Variants in SLK observed in about 807,000 individuals in gnomAD.
SLK encodes STE20 like kinase.
A neutral mutation model predicts 147.7 loss-of-function variants in SLK; 67 were observed. That is an observed-to-expected ratio of 0.45 (90% CI 0.37 to 0.56). SLK has a LOEUF of 0.56. Ranked by LOEUF, SLK falls within the 20% of genes least tolerant of loss-of-function variation. The pLI is 0.00. For synonymous variants in SLK, 441 were observed against 475.0 expected (o/e 0.93, Z 0.93); for missense variants, 1,136 against 1,438.8 (o/e 0.79, Z 3.41).
chr10:104,006,304 T>G (rs919085984), intron 11 of SLK, among the ~76,000 whole-genome samples: 2 of 152,212 alleles, frequency 1.3e-5, no homozygotes, highest in Non-Finnish European at 2.9e-5. Flanking sequence ...TCATGAAAAC[T>G]TATGAAGCCA....
chr10:103,975,889 A>G (rs993756920), intron 1 of SLK, among the ~76,000 whole-genome samples: 4 of 152,122 alleles, frequency 2.6e-5, no homozygotes, highest in African/African-American at 9.7e-5. Flanking sequence ...AGCCTGGGCA[A>G]CATAGGGAGA....
In SLK at chr10:104,026,055, C is replaced by G. The variant is rs1023898069; in HGVS notation, c.*335C>G. ...TTATTTAAGAAAAACTGTTACATCA[C>G]TAAGTATTAATAAATTCTTCTTACC... On this transcript the variant is annotated 3_prime_UTR_variant, in exon 19 of 19. Transcript: ENST00000369755. The G allele has an allele frequency of 5.5e-6, 1 of 182,496 alleles. No homozygotes were observed. Among genetic ancestry groups the G allele is most frequent in the African/African-American group, 2.3e-5 (1 of 42,648 alleles). 11.3% of individuals were successfully genotyped at this position (182,496 alleles called of 1,614,324 possible). A position where few individuals can be genotyped will look rare whatever the true frequency, so the allele number is the denominator to read the frequency against.
At chr10:103,975,014 C>T (rs936018634) in intron 1 of SLK, among the ~76,000 whole-genome samples, 11 of 151,414 alleles carry the variant, frequency 7.3e-5, no homozygotes, top group African/African-American at 2.7e-4. Context: ...TTCCTTCCAC[C>T]TCTGTGTCTG....
At chr10:104,024,579 C>A (rs1844574296) in intron 18 of SLK, among the ~76,000 whole-genome samples, 1 of 152,178 alleles carries the variant, frequency 6.6e-6, no homozygotes, top group Admixed American at 6.5e-5. Flanking sequence ...TCTGGCATGC[C>A]TTCCCTATGC....
Position 104,025,944 on chromosome 10 carries a change from A to G in SLK, c.*224A>G, listed in dbSNP as rs1844593043. On this transcript the variant is annotated 3_prime_UTR_variant, in exon 19 of 19. Coordinates refer to ENST00000369755, the MANE Select transcript of SLK (RefSeq NM_014720.4). ...ATGTTGGCAAAGTAGCATCTTGGTGACTAAGGTGACTTTGTATATTCATCT... is the reference window on the plus strand; with the variant it reads ...ATGTTGGCAAAGTAGCATCTTGGTGGCTAAGGTGACTTTGTATATTCATCT... 5 of 413,308 alleles carry G rather than the reference A, an allele frequency of 1.2e-5. No homozygotes were observed. The Admixed American group carries it at 1.2e-4, about 10-fold the overall frequency. 25.6% of individuals were successfully genotyped at this position (413,308 alleles called of 1,614,324 possible).
At chr10:104,008,114 TTACTA>T in intron 11 of SLK, 58 bp from the exon 12 acceptor site, 1 of 1,251,342 alleles carries the variant, frequency 8.0e-7, no homozygotes. Flanking sequence ...GGAAACATCT[TTACTA>T]TAAGGTATTA....
chr10:103,977,084 T>G (rs1048516629), intron 1 of SLK, among the ~76,000 whole-genome samples: 3 of 152,202 alleles, frequency 2.0e-5, no homozygotes, highest in Non-Finnish European at 4.4e-5. Flanking sequence ...TTTTCAGGAT[T>G]CATCTGTGTT....
At position 104,019,631 on chromosome 10, in the gene SLK, G is replaced by A. The variant is rs1007301567; in HGVS notation, c.3133-103G>A. The A allele has an allele frequency of 3.2e-5, 29 of 905,604 alleles. No individual in the cohort carries two copies. The Admixed American group carries it at 6.0e-4, about 19-fold the overall frequency. 56.1% of individuals were successfully genotyped at this position (905,604 alleles called of 1,614,324 possible). On this transcript the variant is annotated intron_variant, in intron 15 of 18. Transcript: ENST00000369755. ...TGCTGGTCACTGCAACAAGGGAGAGGGTAATTATAGGAAACAACAATAACA... is the reference window on the plus strand; with the variant it reads ...TGCTGGTCACTGCAACAAGGGAGAGAGTAATTATAGGAAACAACAATAACA...
intron 1 of SLK, among the ~76,000 whole-genome samples, chr10:103,981,186 TTTTTTGTTG>T (rs1292617374): frequency 6.2e-4 from 57 of 92,020 alleles, no homozygotes; most frequent in African/African-American, 3.0e-3. Flanking sequence ...GTTGTGGGTT[TTTTTTGTTG>T]TTGTTGTTGT....
At chr10:103,972,305 G>T (rs1037164761) in intron 1 of SLK, among the ~76,000 whole-genome samples, 2 of 152,200 alleles carry the variant, frequency 1.3e-5, no homozygotes, top group South Asian at 4.1e-4. Flanking sequence ...AGGTTATAGG[G>T]TAGTGTATCT....
At chr10:104,018,024 A>G in intron 13 of SLK, 136 bp from the exon 14 acceptor site, 1 of 621,878 alleles carries the variant, frequency 1.6e-6, no homozygotes. Context: ...ATATAATTTT[A>G]GTGATTTTAA....
At chr10:104,009,929 G>T (rs1844378855) in intron 12 of SLK, among the ~76,000 whole-genome samples, 1 of 152,036 alleles carries the variant, frequency 6.6e-6, no homozygotes, top group South Asian at 2.1e-4. Flanking sequence ...ACCATCAATA[G>T]CATGTGGTGA....
rs757714845 is a variant in SLK at position 104,008,244 on chromosome 10, G to A, written c.2672G>A (p.Arg891His). The A allele has an allele frequency of 1.2e-6, 2 of 1,613,888 alleles. No homozygotes were observed. Among genetic ancestry groups the A allele is most frequent in the Non-Finnish European group, 8.5e-7 (1 of 1,179,910 alleles). Residue 891 changes from arginine to histidine, a missense_variant, in exon 12 of 19, where the codon CGC (arginine) becomes CAC (histidine). Arg to His is a conservative substitution (Grantham distance 29). Coordinates refer to ENST00000369755, the MANE Select transcript of SLK (RefSeq NM_014720.4). ...AAACAGCAGAAACAGACTATCGAAC[G>A]CCTGGAACAAGAGCACACAAATCGC... ...LEKQQKQTIE[R>H]LEQEHTNRLR...
At chr10:103,981,344 A>G (rs936614102) in intron 1 of SLK, among the ~76,000 whole-genome samples, 5 of 151,976 alleles carry the variant, frequency 3.3e-5, no homozygotes, top group African/African-American at 1.2e-4. Flanking sequence ...ACATTTTACA[A>G]TTTTCATCAA....
intron 1 of SLK, among the ~76,000 whole-genome samples, chr10:103,970,217 A>G (rs1264081538): frequency 6.6e-6 from 1 of 152,210 alleles, no homozygotes; most frequent in Non-Finnish European, 1.5e-5. Context: ...AAACTTTGGG[A>G]TGAGATAGGG....
rs188657821 is a variant in SLK at position 104,027,481 on chromosome 10, A to G, written c.*1761A>G. 1 of 152,666 alleles carries G rather than the reference A, an allele frequency of 6.6e-6. No individual in the cohort carries two copies. Among genetic ancestry groups the G allele is most frequent in the East Asian group, 1.9e-4 (1 of 5,182 alleles). The allele number at this position is 152,666 out of a possible 1,614,324, so 9.5% of individuals were successfully genotyped here. A position where few individuals can be genotyped will look rare whatever the true frequency, so the allele number is the denominator to read the frequency against. ...CTTTATTCTCAAATGCTGGGTTGAA[A>G]AATGTTTTGAAAGCCTTTTAAAATA... On this transcript the variant is annotated 3_prime_UTR_variant, in exon 19 of 19. Coordinates refer to ENST00000369755, the MANE Select transcript of SLK (RefSeq NM_014720.4).
At chr10:103,998,667 G>A (rs889961273) in intron 4 of SLK, among the ~76,000 whole-genome samples, 1 of 152,192 alleles carries the variant, frequency 6.6e-6, no homozygotes, top group African/African-American at 2.4e-5. Flanking sequence ...GTCATCTGAA[G>A]ATAAGGTGGT....
At chr10:103,999,387 C>A (rs1265114024) in intron 6 of SLK, 74 bp downstream of exon 6, 1 of 1,120,290 alleles carries the variant, frequency 8.9e-7, no homozygotes, top group Non-Finnish European at 1.3e-6. Flanking sequence ...TATATTCTCA[C>A]AATTTTCCAA....
intron 2 of SLK, among the ~76,000 whole-genome samples, chr10:103,992,177 A>G (rs1310000830): frequency 8.8e-6 from 1 of 114,064 alleles, no homozygotes; most frequent in Non-Finnish European, 1.7e-5. Context: ...AAGTCTCTGT[A>G]TAAATATTTT....
Sources: allele counts gnomAD v4.1 joint callset (sites outside exome capture counted in the v4.1 genomes callset), GRCh38; gene constraint gnomAD v4.1.1; transcripts MANE v1.5; gene names NCBI Gene and HGNC (gene_info 2026-07-23, HGNC 2026-07-21).